Variants in KLHL3 observed in about 807,000 individuals in gnomAD.
The protein encoded by KLHL3 is kelch like family member 3, also known as kelch-like protein 3.
Under a neutral mutation model 70.5 loss-of-function variants are expected in KLHL3, and 19 were observed. That is an observed-to-expected ratio of 0.27 (90% CI 0.19 to 0.40). The LOEUF is 0.40. Ranked by LOEUF, KLHL3 falls within the 10% of genes least tolerant of loss-of-function variation. KLHL3 has a pLI of 1.00. For synonymous variants in KLHL3, 258 were observed against 290.3 expected (o/e 0.89, Z 1.13); for missense variants, 512 against 771.1 (o/e 0.66, Z 3.98).
Position 137,698,357 on chromosome 5 carries a change from C to T in KLHL3, c.293G>A (p.Gly98Glu). Residue 98 changes from glycine (G) to glutamate (E), a missense_variant, in exon 4 of 15, where the codon GGG becomes GAG. Transcript: ENST00000309755. ...AKKIEIKDVD[G>E]QTLSKLIDYI... The stretch of plus-strand genomic sequence containing the variant: ...GTCAATCAGCTTACTCAGCGTCTGC[C>T]CATCCACGTCCTTGATTTCTATCTT... The T allele has an allele frequency of 6.2e-7, 1 of 1,614,184 alleles. No individual in the cohort carries two copies. The highest frequency in any genetic ancestry group is 8.5e-7 in the Non-Finnish European group (1 of 1,180,012).
At chr5:137,704,751 G>C (rs1487996822) in intron 3 of KLHL3, among the ~76,000 whole-genome samples, 1 of 152,146 alleles carries the variant, frequency 6.6e-6, no homozygotes, top group Non-Finnish European at 1.5e-5. Flanking sequence ...CCAAATTCCT[G>C]CTCAAGAAAC....
At position 137,628,359 on chromosome 5, in the gene KLHL3, T is replaced by C; in HGVS notation, c.1529A>G (p.Tyr510Cys). The stretch of plus-strand genomic sequence containing the variant: ...CTTCCAGGTATTTGTTCCAGGATCG[T>C]AAACCTCAACGCTCTTCCTCACCAA... Reference protein sequence around the residue: ...GPLVRKSVEVYDPGTNTWKQV... With the variant: ...GPLVRKSVEVCDPGTNTWKQV... Residue 510 changes from tyrosine (Y) to cysteine (C), a missense_variant, in exon 13 of 15, where the codon TAC (tyrosine) becomes TGC (cysteine). Transcript: ENST00000309755. The C allele has an allele frequency of 6.2e-7, 1 of 1,613,990 alleles. No individual in the cohort carries two copies. Among genetic ancestry groups the C allele is most frequent in the Non-Finnish European group, 8.5e-7 (1 of 1,179,980 alleles).
At chr5:137,648,241 T>C (rs905105528) in intron 8 of KLHL3, among the ~76,000 whole-genome samples, 3 of 152,144 alleles carry the variant, frequency 2.0e-5, no homozygotes, top group African/African-American at 7.2e-5. Context: ...GCAGTGCCCA[T>C]CCAGGGGCCT....
intron 8 of KLHL3, among the ~76,000 whole-genome samples, chr5:137,645,106 C>T (rs780492349): frequency 1.3e-5 from 2 of 152,098 alleles, no homozygotes; most frequent in Non-Finnish European, 2.9e-5. Flanking sequence ...TTTGATAAAA[C>T]TCAACATCCC....
intron 6 of KLHL3, among the ~76,000 whole-genome samples, chr5:137,669,531 G>A (rs1366329582): frequency 6.6e-6 from 1 of 152,184 alleles, no homozygotes; most frequent in Non-Finnish European, 1.5e-5. Context: ...TTGTTCTTCA[G>A]CTTTCTATTA....
chr5:137,628,327 C>CCA lies in KLHL3; in HGVS notation c.1559_1560dup (p.Ala521TrpfsTer4), dbSNP rs1488857374. 1 of 1,614,082 alleles carries CCA rather than the reference C, an allele frequency of 6.2e-7. No individual in the cohort carries two copies. The highest frequency in any genetic ancestry group is 8.5e-7 in the Non-Finnish European group (1 of 1,180,040). ...TTGCGCCGGCACATGTTCATGTCTG[C>CCA]CACTTGCTTCCAGGTATTTGTTCCA... On this transcript the variant is annotated frameshift_variant, in exon 13 of 15. Transcript: ENST00000309755. LOFTEE classifies it high-confidence loss of function.
rs138954584 is a variant in KLHL3, at chr5:137,637,468, G to T, written c.1220-73C>A. ...CTGCTGTGTGAGAAGCAGTGAGGATGGGGGAGGAGTCCAAATGCATGGGCT... is the reference window on the plus strand; with the variant it reads ...CTGCTGTGTGAGAAGCAGTGAGGATTGGGGAGGAGTCCAAATGCATGGGCT... On this transcript the variant is annotated intron_variant, in intron 10 of 14. Coordinates refer to ENST00000309755, the MANE Select transcript of KLHL3 (RefSeq NM_017415.3). The T allele has an allele frequency of 1.4e-4, 184 of 1,336,936 alleles. No homozygotes were observed. In the African/African-American group the frequency reaches 1.6e-3, roughly 12 times the overall value. 82.8% of individuals were successfully genotyped at this position (1,336,936 alleles called of 1,614,324 possible). A position where few individuals can be genotyped will look rare whatever the true frequency, so the allele number is the denominator to read the frequency against.
intron 1 of KLHL3, among the ~76,000 whole-genome samples, chr5:137,727,210 C>G (rs1476587699): frequency 6.6e-6 from 1 of 152,050 alleles, no homozygotes; most frequent in Non-Finnish European, 1.5e-5. Flanking sequence ...GGGGTGTTAT[C>G]CTTGATATCT....
chr5:137,680,495 G>T (rs1004872839), intron 5 of KLHL3, among the ~76,000 whole-genome samples: 1 of 151,452 alleles, frequency 6.6e-6, no homozygotes, highest in African/African-American at 2.4e-5. Flanking sequence ...AATATTACCA[G>T]CCTGTGTTCC....
At chr5:137,720,425 A>C in intron 2 of KLHL3, 40 bp downstream of exon 2, 1 of 1,613,216 alleles carries the variant, frequency 6.2e-7, no homozygotes, top group Non-Finnish European at 8.5e-7. Context: ...CTCATGGACA[A>C]GTTCCTTCTG....
chr5:137,683,574 G>C (rs1421458814), intron 5 of KLHL3, among the ~76,000 whole-genome samples: 1 of 152,058 alleles, frequency 6.6e-6, no homozygotes, highest in Non-Finnish European at 1.5e-5. Context: ...TTCCCACAGG[G>C]AAGTAACAGA....
rs1751219723 is a variant in KLHL3, at chr5:137,652,264, C to CA, written c.903+5866dup. Among the ~76,000 whole-genome samples the CA allele has an allele frequency of 2.0e-5, 3 of 152,076 alleles. No individual in the cohort carries two copies. The East Asian group carries it at 5.8e-4, about 29-fold the overall frequency. ...CATGGAAAACAGTGTGGAACTTGCTCAAAAAAATAAAAATAGAACTACCAT... is the reference window on the plus strand; with the variant it reads ...CATGGAAAACAGTGTGGAACTTGCTCAAAAAAAATAAAAATAGAACTACCAT... On this transcript the variant is annotated intron_variant, in intron 8 of 14. Coordinates refer to ENST00000309755, the MANE Select transcript of KLHL3 (RefSeq NM_017415.3).
chr5:137,641,114 T>G (rs1034243939), intron 8 of KLHL3, among the ~76,000 whole-genome samples: 1 of 152,232 alleles, frequency 6.6e-6, no homozygotes, highest in Non-Finnish European at 1.5e-5. Context: ...CAGTTACCTA[T>G]AGTTTACATA....
chr5:137,628,136 C>T, intron 13 of KLHL3, 161 bp downstream of exon 13: 1 of 814,516 alleles, frequency 1.2e-6, no homozygotes, highest in Non-Finnish European at 1.9e-6. Flanking sequence ...TCAATTTCTC[C>T]CCTCCTCTAA....
chr5:137,656,152 C>T (rs1404768877), intron 8 of KLHL3, among the ~76,000 whole-genome samples: 1 of 151,396 alleles, frequency 6.6e-6, no homozygotes, highest in Admixed American at 6.6e-5. Context: ...GAAAGAAATA[C>T]GAACTCAAAC....
intron 3 of KLHL3, among the ~76,000 whole-genome samples, chr5:137,699,684 G>A (rs1374270803): frequency 6.6e-6 from 1 of 152,158 alleles, no homozygotes; most frequent in African/African-American, 2.4e-5. Flanking sequence ...ATTCAACAAG[G>A]GCTGCTGATT....
chr5:137,724,365 C>G (rs2149937040), intron 1 of KLHL3, among the ~76,000 whole-genome samples: 1 of 152,314 alleles, frequency 6.6e-6, no homozygotes, highest in Admixed American at 6.5e-5. Flanking sequence ...GACACAATCT[C>G]CAGTGTGGCT....
At chr5:137,638,584 C>T (rs1389842027) in intron 10 of KLHL3, among the ~76,000 whole-genome samples, 1 of 152,188 alleles carries the variant, frequency 6.6e-6, no homozygotes, top group East Asian at 1.9e-4. Flanking sequence ...CAGGTCTCTT[C>T]CAAGTGCTGG....
At chr5:137,712,438 C>T (rs1352264025) in intron 2 of KLHL3, among the ~76,000 whole-genome samples, 1 of 152,108 alleles carries the variant, frequency 6.6e-6, no homozygotes, top group Admixed American at 6.5e-5. Flanking sequence ...ATCTTAAGGC[C>T]AGAGAAACAC....
Sources: allele counts gnomAD v4.1 joint callset (sites outside exome capture counted in the v4.1 genomes callset), GRCh38; gene constraint gnomAD v4.1.1; transcripts MANE v1.5; gene names NCBI Gene and HGNC (gene_info 2026-07-23, HGNC 2026-07-21).